IGF2BP2: variants seen among roughly 807,000 people sequenced by gnomAD.
The protein encoded by IGF2BP2 is insulin-like growth factor 2 mRNA-binding protein 2.
In IGF2BP2, 17 loss-of-function variants were observed where a neutral mutation model predicts 75.8. The observed-to-expected ratio is 0.22, with a 90% confidence interval of 0.15 to 0.34. IGF2BP2 has a LOEUF of 0.34. IGF2BP2 is among the 10% of genes least tolerant of loss of function. The pLI is 1.00. For synonymous variants in IGF2BP2, 288 were observed against 295.6 expected (o/e 0.97, Z 0.26); for missense variants, 516 against 772.4 (o/e 0.67, Z 3.93).
Position 185,745,209 on chromosome 3 carries a change from GA to G in IGF2BP2, c.240-46863del, listed in dbSNP as rs557325146. Among the ~76,000 whole-genome samples, 36 of 152,282 alleles carry G rather than the reference GA, an allele frequency of 2.4e-4. No individual in the cohort carries two copies. The South Asian group carries it at 7.1e-3, about 30-fold the overall frequency. On this transcript the variant is annotated intron_variant, in intron 2 of 15. Transcript: ENST00000382199. Reference sequence around the variant, plus strand: ...CAATCTACCCCTGACCCTTTCCCATGAACTCTCTGCAATCCTAAATAGAGGA... The same window carrying G: ...CAATCTACCCCTGACCCTTTCCCATGACTCTCTGCAATCCTAAATAGAGGA...
intron 2 of IGF2BP2, among the ~76,000 whole-genome samples, chr3:185,729,172 TG>T (rs2149504516): frequency 6.6e-6 from 1 of 152,018 alleles, no homozygotes; most frequent in East Asian, 1.9e-4. Flanking sequence ...TGTGACAAAA[TG>T]GAAAGTATGC....
chr3:185,733,571 A>G (rs1728466681), intron 2 of IGF2BP2, among the ~76,000 whole-genome samples: 1 of 152,222 alleles, frequency 6.6e-6, no homozygotes, highest in Admixed American at 6.5e-5. Flanking sequence ...AGCCTGACCA[A>G]CATGGAGAAA....
At chr3:185,785,667 AT>A (rs200538037) in intron 2 of IGF2BP2, among the ~76,000 whole-genome samples, 40 of 150,878 alleles carry the variant, frequency 2.7e-4, no homozygotes, top group East Asian at 7.8e-4. Context: ...AATAAAAAAA[AT>A]AATAATAATT....
intron 10 of IGF2BP2, among the ~76,000 whole-genome samples, chr3:185,664,965 A>G (rs1717058331): frequency 6.6e-6 from 1 of 152,080 alleles, no homozygotes; most frequent in Non-Finnish European, 1.5e-5. Flanking sequence ...CCAAGGGTAA[A>G]GGCAAATTAT....
intron 2 of IGF2BP2, among the ~76,000 whole-genome samples, chr3:185,748,068 G>A (rs185253908): frequency 2.0e-4 from 30 of 152,088 alleles, no homozygotes; most frequent in Non-Finnish European, 3.5e-4. Flanking sequence ...TGTTAGCCAG[G>A]ATGGTCTCAA....
At chr3:185,680,114 G>C (rs1419700563) in intron 7 of IGF2BP2, among the ~76,000 whole-genome samples, 2 of 152,172 alleles carry the variant, frequency 1.3e-5, no homozygotes, top group African/African-American at 2.4e-5. Context: ...AGAAATGAAA[G>C]AGGGAACATT....
intron 2 of IGF2BP2, among the ~76,000 whole-genome samples, chr3:185,808,555 T>C (rs1739365412): frequency 6.6e-6 from 1 of 152,078 alleles, no homozygotes; most frequent in African/African-American, 2.4e-5. Flanking sequence ...TTTTAATTTT[T>C]ACTTTTTTTC....
Position 185,650,273 on chromosome 3 carries a change from TTTC to T in IGF2BP2, c.1462-742_1462-740del, listed in dbSNP as rs571802392. Among the ~76,000 whole-genome samples the T allele has an allele frequency of 6.7e-3, 1,005 of 150,238 alleles. 10 individuals carry two copies. Among genetic ancestry groups the T allele is most frequent in the African/African-American group, 0.023 (949 of 40,410 alleles). On this transcript the variant is annotated intron_variant, in intron 13 of 15. Coordinates refer to ENST00000382199, the MANE Select transcript of IGF2BP2 (RefSeq NM_006548.6). The stretch of plus-strand genomic sequence containing the variant: ...AAGGCAGAGGAGCCAAGAACCTATC[TTTC>T]TTTTTTTTTTTTAGTGAAAAAGAAC...
At chr3:185,801,177 T>C (rs1378437852) in intron 2 of IGF2BP2, among the ~76,000 whole-genome samples, 1 of 152,082 alleles carries the variant, frequency 6.6e-6, no homozygotes, top group African/African-American at 2.4e-5. Flanking sequence ...TCAAGGCAGT[T>C]AGAATAGCGA....
In IGF2BP2 at chr3:185,689,572, A is replaced by C; in HGVS notation, c.460T>G (p.Tyr154Asp). Residue 154 changes from tyrosine (Y) to aspartate (D), a missense_variant, in exon 6 of 16, where the codon TAC becomes GAC. Around this residue, in one of 3 missense-constraint regions of IGF2BP2, gnomAD observed 312 missense variants for 474.5 expected, o/e 0.66. Transcript: ENST00000382199. ...QFENYSFKIS[Y>D]IPDEEVSSPS... ...GAGCTCACCTCTTCATCCGGGATGTAGGAAATCTTGAAGGAGTAGTTCTCA... is the reference window on the plus strand; with the variant it reads ...GAGCTCACCTCTTCATCCGGGATGTCGGAAATCTTGAAGGAGTAGTTCTCA... 1 of 1,614,244 alleles carries C rather than the reference A, an allele frequency of 6.2e-7. No homozygotes were observed. The highest frequency in any genetic ancestry group is 8.5e-7 in the Non-Finnish European group (1 of 1,180,038).
At chr3:185,766,322 T>C (rs1733050719) in intron 2 of IGF2BP2, among the ~76,000 whole-genome samples, 1 of 152,182 alleles carries the variant, frequency 6.6e-6, no homozygotes, top group South Asian at 2.1e-4. Flanking sequence ...TTTTAAAATA[T>C]TTTAAGTATA....
chr3:185,808,559 T>G (rs1386351156), intron 2 of IGF2BP2, among the ~76,000 whole-genome samples: 1 of 152,012 alleles, frequency 6.6e-6, no homozygotes, highest in African/African-American at 2.4e-5. Context: ...AATTTTTACT[T>G]TTTTTCTTCT....
intron 2 of IGF2BP2, among the ~76,000 whole-genome samples, chr3:185,751,885 C>G (rs1214540977): frequency 6.6e-6 from 1 of 151,920 alleles, no homozygotes; most frequent in East Asian, 1.9e-4. Context: ...ATGGCAGGAA[C>G]CCGCAAGGCA....
chr3:185,649,103 C>T (rs1714115576), intron 14 of IGF2BP2, among the ~76,000 whole-genome samples: 1 of 151,850 alleles, frequency 6.6e-6, no homozygotes, highest in Admixed American at 6.6e-5. Context: ...GAGTGGAGGC[C>T]TTCACTGACC....
chr3:185,799,614 T>G (rs1737920742), intron 2 of IGF2BP2, among the ~76,000 whole-genome samples: 2 of 151,956 alleles, frequency 1.3e-5, no homozygotes, highest in Admixed American at 1.3e-4. Flanking sequence ...TAGCTGGGCG[T>G]GGTGGCGGGT....
At chr3:185,692,939 T>C (rs1227592289) in intron 4 of IGF2BP2, among the ~76,000 whole-genome samples, 177 bp from the exon 5 acceptor site, 7 of 152,270 alleles carry the variant, frequency 4.6e-5, no homozygotes, top group Admixed American at 2.6e-4. Context: ...ATCAATTGTA[T>C]ATAACACGTT....
intron 2 of IGF2BP2, among the ~76,000 whole-genome samples, chr3:185,747,466 G>T (rs747470882): frequency 6.6e-6 from 1 of 152,078 alleles, no homozygotes; most frequent in Admixed American, 6.6e-5. Flanking sequence ...ATCACCTGAG[G>T]TCAGAACTTC....
At chr3:185,824,385 G>A (rs1741767121) in intron 1 of IGF2BP2, among the ~76,000 whole-genome samples, 1 of 147,300 alleles carries the variant, frequency 6.8e-6, no homozygotes, top group African/African-American at 2.5e-5. Context: ...GGGAAGGGGG[G>A]ACCCTGACAA....
At chr3:185,677,657 A>G (rs1318100946) in intron 7 of IGF2BP2, among the ~76,000 whole-genome samples, 1 of 152,240 alleles carries the variant, frequency 6.6e-6, no homozygotes, top group Non-Finnish European at 1.5e-5. Flanking sequence ...CCAGTAATTA[A>G]AAATAATTGT....
Sources: gnomAD v4.1 joint callset for allele counts (sites outside exome capture counted in the v4.1 genomes callset) on GRCh38, gnomAD v4.1.1 for gene constraint, gnomAD v4.1.1 regional missense constraint, MANE v1.5 for transcripts, NCBI Gene and HGNC (gene_info 2026-07-23, HGNC 2026-07-21) for gene names.